The following ZNF605 variants were observed in gnomAD, a reference collection of about 807,000 sequenced individuals.
The protein encoded by ZNF605 is zinc finger protein 605.
ZNF605 carries 9 observed loss-of-function variants against 7.9 expected under a neutral mutation model. That is an observed-to-expected ratio of 1.14 (90% CI 0.68 to 1.98). The LOEUF (loss-of-function observed/expected upper bound fraction) is 1.98, where lower values mean the gene tolerates loss of function less well. Ranked by LOEUF, ZNF605 falls within the 30% of genes most tolerant of loss-of-function variation. The pLI, the probability that ZNF605 is intolerant of heterozygous loss-of-function variation, is 0.00. For synonymous variants in ZNF605, 255 were observed against 260.1 expected (o/e 0.98, Z 0.19); for missense variants, 673 against 762.4 (o/e 0.88, Z 1.38).
rs1168411336 is a variant in ZNF605 at position 132,941,609 on chromosome 12, G to C, written c.15+4012C>G. The stretch of plus-strand genomic sequence containing the variant: ...ACGAGCAACAGGGTAACTGACTGTT[G>C]TAACGGACAGCTTCGGTGGCTGCTG... On this transcript the variant is annotated intron_variant, in intron 3 of 4. Transcript: ENST00000360187. This position sits in a 1 kb window ranked among gnomAD's most constrained non-coding sequence, Gnocchi z 5.1. Among the ~76,000 whole-genome samples, 2 of 152,252 alleles carry C rather than the reference G, an allele frequency of 1.3e-5. No homozygotes were observed. Among genetic ancestry groups the C allele is most frequent in the African/African-American group, 2.4e-5 (1 of 41,468 alleles).
intron 3 of ZNF605, among the ~76,000 whole-genome samples, chr12:132,934,131 T>C (rs1190065738): frequency 6.6e-6 from 1 of 151,400 alleles, no homozygotes; most frequent in Non-Finnish European, 1.5e-5. Context: ...ACACACAAAT[T>C]AGCTGGGGGT....
In ZNF605 at chr12:132,925,496, C is replaced by T. The variant is rs1952238048; in HGVS notation, c.1803G>A (p.Lys601=). 1 of 1,614,130 alleles carries T rather than the reference C, an allele frequency of 6.2e-7. No individual in the cohort carries two copies. The highest frequency in any genetic ancestry group is 2.2e-5 in the East Asian group (1 of 44,882). ...CGECGKSFTR[K]SHLMRHQRIH... ...TCCTCTGATGCCTCATAAGGTGTGA[C>T]TTTCTTGTGAAAGATTTCCCACATT... Residue 601 remains lysine, a synonymous_variant, in exon 5 of 5, where the codon AAG becomes AAA. Transcript: ENST00000360187.
chr12:132,928,843 C>G (rs1266083105), intron 4 of ZNF605, among the ~76,000 whole-genome samples: 2 of 151,730 alleles, frequency 1.3e-5, no homozygotes, highest in East Asian at 3.9e-4. Context: ...GAGAAACTGT[C>G]TCTTCAAATT....
At position 132,926,037 on chromosome 12, in the gene ZNF605, T is replaced by A; in HGVS notation, c.1262A>T (p.Tyr421Phe). The A allele has an allele frequency of 6.2e-7, 1 of 1,614,238 alleles. No homozygotes were observed. The highest frequency in any genetic ancestry group is 1.1e-5 in the South Asian group (1 of 91,086). The change falls in exon 5 of 5, where the codon TAT becomes TTT. Residue 421 changes from tyrosine to phenylalanine, a missense_variant. By Grantham distance (22) the Tyr-to-Phe change is conservative. Transcript: ENST00000360187. The stretch of plus-strand genomic sequence containing the variant: ...GGTTTTCCCACATTGAATGCATCCA[T>A]ATGGTTTCTCTCCTAAGTGAATTTT... ...HQKIHLGEKP[Y>F]GCIQCGKTFF...
Position 132,946,283 on chromosome 12 carries a change from G to A in ZNF605, c.-162-486C>T, listed in dbSNP as rs1055370702. ...GGTAAACAGAAAATGGACTTTAGAC[G>A]GAGATGGATCAGCCCAGGAACAAAA... On this transcript the variant is annotated intron_variant, in intron 2 of 4. Transcript: ENST00000360187. Among the ~76,000 whole-genome samples the A allele has an allele frequency of 7.2e-5, 11 of 152,292 alleles. No individual in the cohort carries two copies. In the East Asian group the frequency reaches 1.5e-3, roughly 21 times the overall value.
At chr12:132,938,907 G>A (rs1220851592) in intron 3 of ZNF605, among the ~76,000 whole-genome samples, 1 of 152,156 alleles carries the variant, frequency 6.6e-6, no homozygotes, top group East Asian at 1.9e-4. Flanking sequence ...GCCAGTGGCT[G>A]CGGAGGGTGT....
chr12:132,954,126 C>T (rs965672364), intron 1 of ZNF605, among the ~76,000 whole-genome samples: 1 of 151,702 alleles, frequency 6.6e-6, no homozygotes, highest in Non-Finnish European at 1.5e-5. Context: ...TCCTACGTCA[C>T]ACCATAGACC....
chr12:132,935,192 A>G (rs1249357619), intron 3 of ZNF605, among the ~76,000 whole-genome samples: 1 of 152,226 alleles, frequency 6.6e-6, no homozygotes, highest in Non-Finnish European at 1.5e-5. Context: ...CACAGGAAAA[A>G]GGAGGAAAGC....
intron 1 of ZNF605, among the ~76,000 whole-genome samples, chr12:132,953,436 T>C (rs1448734322): frequency 6.6e-6 from 1 of 152,140 alleles, no homozygotes; most frequent in Non-Finnish European, 1.5e-5. Flanking sequence ...AACTTATTAT[T>C]ATCTTTTTTA....
intron 4 of ZNF605, among the ~76,000 whole-genome samples, chr12:132,929,549 T>A (rs1263699409): frequency 6.6e-6 from 1 of 152,138 alleles, no homozygotes; most frequent in Non-Finnish European, 1.5e-5. Context: ...TGTAGACAAG[T>A]GTGAGATCCA....
In ZNF605 at chr12:132,924,812, C is replaced by T. The variant is rs1459526593; in HGVS notation, c.*561G>A. 2 of 152,406 alleles carry T rather than the reference C, an allele frequency of 1.3e-5. No individual in the cohort carries two copies. Among genetic ancestry groups the T allele is most frequent in the African/African-American group, 4.8e-5 (2 of 41,462 alleles). The allele number at this position is 152,406 out of a possible 1,614,324, so 9.4% of individuals were successfully genotyped here. A position where few individuals can be genotyped will look rare whatever the true frequency, so the allele number is the denominator to read the frequency against. On this transcript the variant is annotated 3_prime_UTR_variant, in exon 5 of 5. Transcript: ENST00000360187. ...TATTCCATCACAGCAGTAAGGAGAA[C>T]TCTTCACATCTAAGTAAACACACCT... is the stretch of plus-strand genomic sequence containing the variant.
At chr12:132,938,064 C>T (rs1255974076) in intron 3 of ZNF605, among the ~76,000 whole-genome samples, 35 of 151,782 alleles carry the variant, frequency 2.3e-4, no homozygotes, top group Middle Eastern at 3.4e-3. Context: ...CATGGCAAGC[C>T]CCGCCTCCTG....
At chr12:132,932,630 A>G in intron 4 of ZNF605, 1 of 867,802 alleles carries the variant, frequency 1.2e-6, no homozygotes, top group South Asian at 1.8e-5. Flanking sequence ...AGTTTTATAA[A>G]CAACACTTTA....
intron 3 of ZNF605, among the ~76,000 whole-genome samples, chr12:132,934,743 G>T (rs1292510005): frequency 4.0e-5 from 6 of 150,066 alleles, no homozygotes; most frequent in African/African-American, 1.5e-4. Flanking sequence ...ACCATAACAG[G>T]TACTAGAAAT....
intron 1 of ZNF605, among the ~76,000 whole-genome samples, chr12:132,951,302 A>G (rs1952562819): frequency 6.6e-6 from 1 of 151,894 alleles, no homozygotes; most frequent in African/African-American, 2.4e-5. Context: ...AGACACGTAC[A>G]CAGACATGCA....
chr12:132,944,177 G>A (rs1347590367), intron 3 of ZNF605, among the ~76,000 whole-genome samples: 1 of 151,864 alleles, frequency 6.6e-6, no homozygotes, highest in African/African-American at 2.4e-5. Context: ...CCTGCTTTCC[G>A]GAATGCCCTG....
chr12:132,935,541 CA>C (rs1456136611), intron 3 of ZNF605, among the ~76,000 whole-genome samples: 3 of 151,312 alleles, frequency 2.0e-5, no homozygotes, highest in African/African-American at 7.3e-5. Context: ...ATAATTCTCA[CA>C]AATAAAGATT....
At position 132,925,091 on chromosome 12, in the gene ZNF605, G is replaced by T; in HGVS notation, c.*282C>A. On this transcript the variant is annotated 3_prime_UTR_variant, in exon 5 of 5. Coordinates refer to ENST00000360187, the MANE Select transcript of ZNF605 (RefSeq NM_183238.4). ...CTAAACATTTAATAAACTGACTTTT[G>T]ACTAAAAGCTTCTCTACTATCACAA... 1 of 303,464 alleles carries T rather than the reference G, an allele frequency of 3.3e-6. No homozygotes were observed. The highest frequency in any genetic ancestry group is 6.0e-6 in the Non-Finnish European group (1 of 166,502). The allele number at this position is 303,464 out of a possible 1,614,324, so 18.8% of individuals were successfully genotyped here.
At position 132,924,968 on chromosome 12, in the gene ZNF605, C is replaced by T. The variant is rs1952232471; in HGVS notation, c.*405G>A. On this transcript the variant is annotated 3_prime_UTR_variant, in exon 5 of 5. Transcript: ENST00000360187. ...TGAGACTACTCTTCAGTATGAACCT[C>T]TGTAGGTATTATTCTCAAGTGTACA... 6.1e-6 allele frequency: 1 copy of T among 163,064 alleles called. No homozygotes were observed. Among genetic ancestry groups the T allele is most frequent in the Non-Finnish European group, 1.3e-5 (1 of 75,582 alleles). 10.1% of individuals were successfully genotyped at this position (163,064 alleles called of 1,614,324 possible).
Sources: gnomAD v4.1 joint callset for allele counts (sites outside exome capture counted in the v4.1 genomes callset) on GRCh38, gnomAD v4.1.1 for gene constraint, Gnocchi (gnomAD v3.1) non-coding constraint, MANE v1.5 for transcripts, NCBI Gene and HGNC (gene_info 2026-07-23, HGNC 2026-07-21) for gene names.